Variants in CECR2 observed in about 807,000 individuals in gnomAD.
CECR2 encodes CECR2 histone acetyl-lysine reader, also known as chromatin remodeling regulator CECR2.
A neutral mutation model predicts 154.5 loss-of-function variants in CECR2; 30 were observed. That is an observed-to-expected ratio of 0.19 (90% CI 0.15 to 0.26). The LOEUF is 0.26. Ranked by LOEUF, CECR2 falls within the 10% of genes least tolerant of loss-of-function variation. CECR2 has a pLI of 1.00. For missense variants in CECR2, 1,743 were observed against 1,829.3 expected (o/e 0.95, Z 0.86); for synonymous variants, 725 against 683.7 (o/e 1.06, Z -0.94).
intron 2 of CECR2, among the ~76,000 whole-genome samples, chr22:17,488,387 T>C (rs2055463282): frequency 2.0e-5 from 3 of 152,232 alleles, no homozygotes; most frequent in Admixed American, 2.0e-4. Context: ...CACCACATAG[T>C]CACTATCCTA....
At chr22:17,538,767 G>A (rs1226305558) in intron 12 of CECR2, 36 bp downstream of exon 12, 4 of 1,530,226 alleles carry the variant, frequency 2.6e-6, no homozygotes, top group Admixed American at 1.8e-5. Flanking sequence ...CTACTATAGT[G>A]TGTATATCTT....
At chr22:17,537,279 T>G in intron 10 of CECR2, 47 bp downstream of exon 10, 1 of 1,606,074 alleles carries the variant, frequency 6.2e-7, no homozygotes, top group Non-Finnish European at 8.5e-7. Flanking sequence ...CTGGTAGCAT[T>G]TATGAAGCAT....
chr22:17,368,346 A>G (rs1280047255), upstream of CECR2, among the ~76,000 whole-genome samples: 1 of 152,030 alleles, frequency 6.6e-6, no homozygotes, highest in Non-Finnish European at 1.5e-5. Flanking sequence ...AATTTGGGGG[A>G]CGCACCAGGA....
At position 17,557,467 on chromosome 22, in the gene CECR2, C is replaced by G. The variant is rs750627661; in HGVS notation, c.*4627C>G. The G allele has an allele frequency of 6.6e-6, 1 of 152,214 alleles. No individual in the cohort carries two copies. Among genetic ancestry groups the G allele is most frequent in the Admixed American group, 6.6e-5 (1 of 15,262 alleles). 9.4% of individuals were successfully genotyped at this position (152,214 alleles called of 1,614,324 possible). On this transcript the variant is annotated 3_prime_UTR_variant, in exon 19 of 19. Transcript: ENST00000262608. ...CCGGACCTTCATTTTTTAAATTAAG[C>G]TGGGACACAAGTTTTGCCTCCAGGC...
intron 1 of CECR2, chr22:17,424,782 G>A (rs2054306335): frequency 6.5e-6 from 1 of 152,920 alleles, no homozygotes; most frequent in African/African-American, 2.4e-5. Context: ...CAGGCCATGT[G>A]TGGGGCATGG....
rs771572005 is a variant in CECR2 at position 17,548,756 on chromosome 22, C to T, written c.3469C>T (p.His1157Tyr). The change falls in exon 17 of 19, where the codon CAT becomes TAT. Residue 1157 changes from histidine (H) to tyrosine (Y), a missense_variant. This residue lies in a region of CECR2 where 1,250 missense variants were observed against 1,192.1 expected (regional missense o/e 1.05). Transcript: ENST00000262608. ...GGKSPASHPQ[H>Y]FPPRGFQSNH... ...GAAGTCCCCAGCATCCCATCCCCAG[C>T]ATTTTCCCCCAAGGGGCTTTCAGTC... The T allele has an allele frequency of 1.2e-6, 2 of 1,613,792 alleles. No individual in the cohort carries two copies. The highest frequency in any genetic ancestry group is 1.7e-6 in the Non-Finnish European group (2 of 1,179,848).
chr22:17,407,781 G>C (rs951565411), intron 1 of CECR2, among the ~76,000 whole-genome samples: 20 of 152,314 alleles, frequency 1.3e-4, no homozygotes, highest in African/African-American at 4.8e-4. Flanking sequence ...CTCAGGGGAA[G>C]AGGGGTGTGG....
intron 1 of CECR2, among the ~76,000 whole-genome samples, chr22:17,380,512 C>T (rs1399466311): frequency 6.6e-6 from 1 of 152,166 alleles, no homozygotes; most frequent in Non-Finnish European, 1.5e-5. Flanking sequence ...TAAATCAGGT[C>T]TACTTTTTCC....
chr22:17,425,386 T>C (rs954387324), intron 1 of CECR2, among the ~76,000 whole-genome samples: 1 of 152,196 alleles, frequency 6.6e-6, no homozygotes, highest in African/African-American at 2.4e-5. Context: ...CTGGTTTTTC[T>C]TGTGCTTTGT....
intron 2 of CECR2, among the ~76,000 whole-genome samples, chr22:17,485,538 G>A (rs1222062732): frequency 6.6e-6 from 1 of 152,186 alleles, no homozygotes; most frequent in East Asian, 1.9e-4. Context: ...GGAGGCCGAG[G>A]CAGGCCGCTC....
At chr22:17,534,289 G>A (rs899867786) in intron 9 of CECR2, among the ~76,000 whole-genome samples, 4 of 152,106 alleles carry the variant, frequency 2.6e-5, no homozygotes, top group African/African-American at 9.7e-5. Context: ...TCCCAACAGA[G>A]CGAGACCCCT....
At chr22:17,396,359 A>G (rs9605276) in intron 1 of CECR2, among the ~76,000 whole-genome samples, 12,825 of 152,250 alleles carry the variant, frequency 0.084, 626 homozygotes, top group East Asian at 0.17. Context: ...AGCCTGGCCA[A>G]TGTGGCAAAA....
intron 4 of CECR2, among the ~76,000 whole-genome samples, chr22:17,499,936 G>A (rs9617590): frequency 9.9e-4 from 150 of 152,280 alleles, no homozygotes; most frequent in African/African-American, 3.4e-3. Flanking sequence ...TTTATGCCAG[G>A]CGCAGTGGCT....
Position 17,504,945 on chromosome 22 carries a change from C to A in CECR2, c.799C>A (p.Arg267=). Reference sequence around the variant, plus strand: ...GAGTTTTCGCGAGAGGACCTCCCTTCGAGAACGGCAGCTCTACAAGCTCCT... The same window carrying A: ...GAGTTTTCGCGAGAGGACCTCCCTTAGAGAACGGCAGCTCTACAAGCTCCT... The part of the protein sequence containing the change: ...TESFRERTSL[R]ERQLYKLLSE... The change falls in exon 7 of 19, where the codon CGA becomes AGA. Residue 267 remains arginine, a synonymous_variant. Coordinates refer to ENST00000262608, the MANE Select transcript of CECR2 (RefSeq NM_001290047.2). 1 of 1,613,744 alleles carries A rather than the reference C, an allele frequency of 6.2e-7. No homozygotes were observed. Among genetic ancestry groups the A allele is most frequent in the South Asian group, 1.1e-5 (1 of 91,036 alleles).
chr22:17,362,411 C>T (rs543858112), intron 1 of CECR2, among the ~76,000 whole-genome samples: 2 of 152,206 alleles, frequency 1.3e-5, no homozygotes, highest in African/African-American at 4.8e-5. Context: ...ACCAGCACTG[C>T]CCAATACAGT....
chr22:17,525,656 C>T (rs890442500), intron 9 of CECR2, among the ~76,000 whole-genome samples: 8 of 152,204 alleles, frequency 5.3e-5, no homozygotes, highest in African/African-American at 1.4e-4. Flanking sequence ...TAGCCTGTGT[C>T]ATACTATGTA....
In CECR2 at chr22:17,538,504, A is replaced by G. The variant is rs2056471240; in HGVS notation, c.1239-16A>G. On this transcript the variant is annotated splice_polypyrimidine_tract_variant and intron_variant, in intron 10 of 18. Coordinates refer to ENST00000262608, the MANE Select transcript of CECR2 (RefSeq NM_001290047.2). ...TGGTCAGAGTTACTATTAATTTCTT[A>G]TTTTGTGATTTACAGCTTTGAGTTG... 1.9e-6 allele frequency: 3 copies of G among 1,612,562 alleles called. No homozygotes were observed. The highest frequency in any genetic ancestry group is 2.2e-5 in the East Asian group (1 of 44,870).
intron 3 of CECR2, among the ~76,000 whole-genome samples, chr22:17,498,946 T>C (rs1457002920): frequency 6.6e-6 from 1 of 152,180 alleles, no homozygotes; most frequent in South Asian, 2.1e-4. Flanking sequence ...TTTCTTATGC[T>C]GATTGAAAAT....
At position 17,378,133 on chromosome 22, in the gene CECR2, A is replaced by G. The variant is rs370163835; in HGVS notation, c.126+8224A>G. Among the ~76,000 whole-genome samples, 1,288 of 151,062 alleles carry G rather than the reference A, an allele frequency of 8.5e-3. 16 individuals carry two copies. The highest frequency in any genetic ancestry group is 0.069 in the East Asian group (354 of 5,096). On this transcript the variant is annotated intron_variant, in intron 1 of 18. Coordinates refer to ENST00000262608, the MANE Select transcript of CECR2 (RefSeq NM_001290047.2). ...TGAGTAGCTGGGACTACAGGTGCCC[A>G]CCACCACGCCCGGCTAATTTTTTGT...
Sources: gnomAD v4.1 joint callset for allele counts (sites outside exome capture counted in the v4.1 genomes callset) on GRCh38, gnomAD v4.1.1 for gene constraint, gnomAD v4.1.1 regional missense constraint, MANE v1.5 for transcripts, NCBI Gene and HGNC (gene_info 2026-07-23, HGNC 2026-07-21) for gene names.